DPP10: variants seen among roughly 807,000 people sequenced by gnomAD.
The protein encoded by DPP10 is inactive dipeptidyl peptidase 10.
In DPP10, 33 loss-of-function variants were observed where a neutral mutation model predicts 120.9. The ratio of observed to expected loss-of-function variants is 0.27; its 90% CI spans 0.21 to 0.37. DPP10 has a LOEUF of 0.37. Ranked by LOEUF, DPP10 falls within the 10% of genes least tolerant of loss-of-function variation. DPP10 has a pLI of 1.00. For synonymous variants in DPP10, 337 were observed against 326.1 expected (o/e 1.03, Z -0.36); for missense variants, 816 against 942.8 (o/e 0.87, Z 1.76).
intron 1 of DPP10, among the ~76,000 whole-genome samples, chr2:114,525,861 C>T (rs1012094331): frequency 1.3e-5 from 2 of 152,262 alleles, no homozygotes; most frequent in East Asian, 1.9e-4. Flanking sequence ...CTTTAGCATC[C>T]TACCTTTACC....
At chr2:115,339,180 A>C (rs2063316400) in intron 2 of DPP10, among the ~76,000 whole-genome samples, 1 of 152,226 alleles carries the variant, frequency 6.6e-6, no homozygotes, top group Non-Finnish European at 1.5e-5. Flanking sequence ...ACTGAAGACT[A>C]TATGGGAATC....
At chr2:115,017,402 G>A (rs1702727563) in intron 1 of DPP10, among the ~76,000 whole-genome samples, 2 of 152,064 alleles carry the variant, frequency 1.3e-5, no homozygotes, top group Non-Finnish European at 2.9e-5. Flanking sequence ...TACACTGTTG[G>A]TGGGACTGTA....
intron 5 of DPP10, among the ~76,000 whole-genome samples, chr2:115,650,259 A>C (rs778115226): frequency 6.6e-6 from 1 of 152,044 alleles, no homozygotes; most frequent in Admixed American, 6.6e-5. Context: ...ACTTGAATCC[A>C]TGTGTTGCAA....
intron 1 of DPP10, among the ~76,000 whole-genome samples, chr2:114,509,456 A>G (rs1042975983): frequency 2.6e-5 from 4 of 152,210 alleles, no homozygotes; most frequent in African/African-American, 9.6e-5. Context: ...AAATTAAATA[A>G]TTTGTATAAG....
intron 1 of DPP10, among the ~76,000 whole-genome samples, chr2:114,719,046 G>C (rs567099662): frequency 6.6e-6 from 1 of 152,354 alleles, no homozygotes; most frequent in African/African-American, 2.4e-5. Context: ...GTTCTAGTCT[G>C]AGATTGGTTG....
chr2:115,135,290 C>T (rs1449148273), intron 1 of DPP10, among the ~76,000 whole-genome samples: 1 of 151,538 alleles, frequency 6.6e-6, no homozygotes, highest in East Asian at 1.9e-4. Flanking sequence ...AGCTTTTCTA[C>T]TTCCTTCTGC....
intron 1 of DPP10, among the ~76,000 whole-genome samples, chr2:114,745,348 C>G (rs1248664930): frequency 6.6e-6 from 1 of 152,044 alleles, no homozygotes; most frequent in African/African-American, 2.4e-5. Context: ...CATATGCAAA[C>G]AATAGATTTT....
chr2:115,631,347 A>AT (rs2085855982), intron 5 of DPP10, among the ~76,000 whole-genome samples: 1 of 150,952 alleles, frequency 6.6e-6, no homozygotes, highest in African/African-American at 2.4e-5. Flanking sequence ...TATTTTATTA[A>AT]TTTTTTCAAA....
At chr2:115,609,983 A>C (rs2083980608) in intron 5 of DPP10, among the ~76,000 whole-genome samples, 1 of 152,208 alleles carries the variant, frequency 6.6e-6, no homozygotes, top group Non-Finnish European at 1.5e-5. Context: ...TCAATTGCAG[A>C]ATATTCAAAC....
chr2:114,710,610 T>C (rs1700964692), intron 1 of DPP10, among the ~76,000 whole-genome samples: 1 of 152,102 alleles, frequency 6.6e-6, no homozygotes, highest in East Asian at 1.9e-4. Context: ...CTGGGTGTGG[T>C]AGCACATGCC....
At chr2:114,693,463 C>T (rs1027958621) in intron 1 of DPP10, among the ~76,000 whole-genome samples, 2 of 151,764 alleles carry the variant, frequency 1.3e-5, no homozygotes, top group Admixed American at 1.3e-4. Context: ...AGTCTGATGG[C>T]TTTTCCTTTG....
chr2:114,746,390 A>G (rs900805509), intron 1 of DPP10, among the ~76,000 whole-genome samples: 1 of 152,202 alleles, frequency 6.6e-6, no homozygotes, highest in African/African-American at 2.4e-5. Flanking sequence ...TGACCCTGTT[A>G]TCAGTCTTAT....
At chr2:115,705,844 G>T (rs538967932) in intron 7 of DPP10, among the ~76,000 whole-genome samples, 6 of 151,822 alleles carry the variant, frequency 4.0e-5, no homozygotes, top group Non-Finnish European at 8.8e-5. Flanking sequence ...TTGTAGTATT[G>T]CCCCATATCT....
At chr2:115,326,811 G>A (rs563049570) in intron 2 of DPP10, among the ~76,000 whole-genome samples, 20 of 152,188 alleles carry the variant, frequency 1.3e-4, no homozygotes, top group African/African-American at 4.8e-4. Flanking sequence ...TTTAAGCTAA[G>A]TGTTATTAGA....
At chr2:114,573,268 G>C (rs1689797298) in intron 1 of DPP10, among the ~76,000 whole-genome samples, 2 of 152,180 alleles carry the variant, frequency 1.3e-5, no homozygotes, top group African/African-American at 2.4e-5. Flanking sequence ...ACAGGCAAGA[G>C]CCATCACACC....
At chr2:115,222,653 C>A (rs957955006) in intron 1 of DPP10, among the ~76,000 whole-genome samples, 1 of 151,934 alleles carries the variant, frequency 6.6e-6, no homozygotes, top group Admixed American at 6.6e-5. Context: ...TGAAAATGGA[C>A]AAATACAGTA....
intron 1 of DPP10, among the ~76,000 whole-genome samples, chr2:115,003,807 T>A (rs1457961236): frequency 6.6e-6 from 1 of 152,128 alleles, no homozygotes; most frequent in Non-Finnish European, 1.5e-5. Context: ...TCTATTGACA[T>A]TTCCAAACCT....
intron 21 of DPP10, among the ~76,000 whole-genome samples, chr2:115,819,338 C>G (rs1428658997): frequency 6.6e-6 from 1 of 152,116 alleles, no homozygotes; most frequent in African/African-American, 2.4e-5. Flanking sequence ...ATACAAACAG[C>G]AATATATAAT....
At chr2:115,023,062 G>A (rs181641944) in intron 1 of DPP10, among the ~76,000 whole-genome samples, 5 of 152,132 alleles carry the variant, frequency 3.3e-5, no homozygotes, top group South Asian at 2.1e-4. Flanking sequence ...AGATAACATC[G>A]GAAAAACCCT....
Sources: gnomAD v4.1 joint callset for allele counts (sites outside exome capture counted in the v4.1 genomes callset) on GRCh38, gnomAD v4.1.1 for gene constraint, MANE v1.5 for transcripts, NCBI Gene and HGNC (gene_info 2026-07-23, HGNC 2026-07-21) for gene names.